Variants in AP3B1 observed in about 807,000 individuals in gnomAD.
AP3B1 encodes the protein AP-3 complex subunit beta-1.
A neutral mutation model predicts 132.5 loss-of-function variants in AP3B1; 61 were observed. The observed-to-expected ratio is 0.46, with a 90% confidence interval of 0.37 to 0.57. The LOEUF (loss-of-function observed/expected upper bound fraction) is 0.57, where lower values mean the gene tolerates loss of function less well. AP3B1 is among the 20% of genes least tolerant of loss of function. AP3B1 has a pLI of 0.00. For missense variants in AP3B1, 1,120 were observed against 1,289.4 expected (o/e 0.87, Z 2.01); for synonymous variants, 388 against 438.3 (o/e 0.89, Z 1.43).
intron 7 of AP3B1, among the ~76,000 whole-genome samples, chr5:78,194,090 T>G (rs1035615563): frequency 6.6e-6 from 1 of 152,050 alleles, no homozygotes; most frequent in African/African-American, 2.4e-5. Flanking sequence ...TAACTAGACA[T>G]TGATATTAGG....
chr5:78,085,199 T>TA (rs1750187213), intron 22 of AP3B1, among the ~76,000 whole-genome samples: 2 of 152,228 alleles, frequency 1.3e-5, no homozygotes, highest in African/African-American at 4.8e-5. Context: ...GAGCAGTGTA[T>TA]AATGCCTGCT....
At chr5:78,180,277 T>C (rs1744312340) in intron 8 of AP3B1, among the ~76,000 whole-genome samples, 1 of 152,204 alleles carries the variant, frequency 6.6e-6, no homozygotes, top group African/African-American at 2.4e-5. Context: ...CAAGAATCAA[T>C]TCATTAAGAA....
chr5:78,019,384 C>G (rs2112062890), intron 25 of AP3B1, among the ~76,000 whole-genome samples: 1 of 152,222 alleles, frequency 6.6e-6, no homozygotes, highest in South Asian at 2.1e-4. Context: ...TTCAGATATA[C>G]TTTAGCTGCA....
chr5:78,276,519 C>T (rs1748781666), intron 1 of AP3B1, among the ~76,000 whole-genome samples: 1 of 152,078 alleles, frequency 6.6e-6, no homozygotes, highest in Non-Finnish European at 1.5e-5. Context: ...ATCACTTGAG[C>T]TCAGCAGTTC....
intron 13 of AP3B1, 26 bp from the exon 14 acceptor site, chr5:78,156,393 C>T: frequency 1.4e-6 from 2 of 1,433,256 alleles, no homozygotes; most frequent in Non-Finnish European, 2.0e-6. Context: ...ATTATTCATA[C>T]TAAATATGTA....
At chr5:78,139,123 A>G (rs1284042797) in intron 15 of AP3B1, among the ~76,000 whole-genome samples, 1 of 152,068 alleles carries the variant, frequency 6.6e-6, no homozygotes, top group Non-Finnish European at 1.5e-5. Flanking sequence ...TACAATAAAC[A>G]GTACTACATT....
intron 11 of AP3B1, among the ~76,000 whole-genome samples, chr5:78,171,235 A>C (rs1743901755): frequency 6.6e-6 from 1 of 152,134 alleles, no homozygotes; most frequent in Non-Finnish European, 1.5e-5. Flanking sequence ...TTGGTTCCAT[A>C]TGAACTTTAA....
intron 22 of AP3B1, among the ~76,000 whole-genome samples, chr5:78,062,187 C>T (rs1251504030): frequency 2.0e-5 from 3 of 152,190 alleles, no homozygotes; most frequent in South Asian, 2.1e-4. Flanking sequence ...GCAAAAATAC[C>T]GTCATGGTGT....
chr5:78,245,388 T>G (rs1490193106), intron 2 of AP3B1, among the ~76,000 whole-genome samples: 1 of 152,222 alleles, frequency 6.6e-6, no homozygotes, highest in Non-Finnish European at 1.5e-5. Context: ...TTCCAGTGTT[T>G]CAAAGGAGTG....
intron 14 of AP3B1, among the ~76,000 whole-genome samples, chr5:78,143,969 C>T (rs111768669): frequency 0.041 from 6,178 of 152,062 alleles, 182 homozygotes; most frequent in East Asian, 0.13. Flanking sequence ...TGTGCCACTG[C>T]ACTCCAGCCT....
chr5:78,153,326 T>G (rs1378710100), intron 14 of AP3B1, among the ~76,000 whole-genome samples: 2 of 152,120 alleles, frequency 1.3e-5, no homozygotes, highest in Non-Finnish European at 1.5e-5. Flanking sequence ...CTTTTATAAG[T>G]GTAGGAAGAG....
intron 1 of AP3B1, among the ~76,000 whole-genome samples, chr5:78,280,542 T>C (rs1254099539): frequency 1.3e-5 from 2 of 152,322 alleles, no homozygotes; most frequent in East Asian, 3.9e-4. Context: ...AAGAATCCGT[T>C]TGTGCATCAA....
At chr5:78,045,632 T>C (rs1748299593) in intron 22 of AP3B1, among the ~76,000 whole-genome samples, 2 of 152,186 alleles carry the variant, frequency 1.3e-5, no homozygotes, top group South Asian at 4.1e-4. Flanking sequence ...ATTTTGTACA[T>C]CAGACCAGAT....
chr5:78,119,504 T>C (rs1752050798), intron 17 of AP3B1, among the ~76,000 whole-genome samples: 1 of 152,136 alleles, frequency 6.6e-6, no homozygotes, highest in Non-Finnish European at 1.5e-5. Context: ...AAGGAGCTGA[T>C]GGAGCTGAAA....
intron 15 of AP3B1, among the ~76,000 whole-genome samples, chr5:78,139,050 A>C (rs1002531563): frequency 1.3e-5 from 2 of 151,714 alleles, no homozygotes; most frequent in African/African-American, 4.8e-5. Flanking sequence ...AAAAAAAAAA[A>C]AAAACCTGAG....
intron 1 of AP3B1, among the ~76,000 whole-genome samples, chr5:78,282,118 G>A (rs536927181): frequency 4.6e-5 from 7 of 152,062 alleles, no homozygotes; most frequent in South Asian, 2.1e-4. Context: ...GACTGCCATC[G>A]ATTTCCACAC....
chr5:78,219,621 A>G (rs1465820028), intron 6 of AP3B1, among the ~76,000 whole-genome samples: 1 of 152,054 alleles, frequency 6.6e-6, no homozygotes, highest in Non-Finnish European at 1.5e-5. Context: ...TAACACTAAA[A>G]TGTTCTATTT....
intron 3 of AP3B1, among the ~76,000 whole-genome samples, chr5:78,233,827 G>A (rs192506275): frequency 1.6e-4 from 22 of 133,522 alleles, no homozygotes; most frequent in African/African-American, 4.4e-4. Context: ...TGCAGAATCA[G>A]GATGCAAACA....
At chr5:78,135,663 A>G (rs1392427202) in intron 15 of AP3B1, among the ~76,000 whole-genome samples, 4 of 152,334 alleles carry the variant, frequency 2.6e-5, no homozygotes, top group Admixed American at 2.6e-4. Flanking sequence ...ATATTTCATA[A>G]CTAAAAATCA....
Sources: allele counts gnomAD v4.1 joint callset (sites outside exome capture counted in the v4.1 genomes callset), GRCh38; gene constraint gnomAD v4.1.1; transcripts MANE v1.5; gene names NCBI Gene and HGNC (gene_info 2026-07-23, HGNC 2026-07-21).